MDFIC: variants seen among roughly 807,000 people sequenced by gnomAD.
MDFIC encodes the protein myoD family inhibitor domain-containing protein.
A neutral mutation model predicts 23.2 loss-of-function variants in MDFIC; 17 were observed. The observed-to-expected ratio is 0.73, with a 90% CI of 0.50 to 1.10. The LOEUF is 1.10. MDFIC is among the 50% of genes least tolerant of loss of function. MDFIC has a pLI of 0.00. For missense variants in MDFIC, 356 were observed against 316.6 expected, an observed-to-expected ratio of 1.12 and a Z score of -0.95; for synonymous variants, 120 against 115.2, an observed-to-expected ratio of 1.04 and a Z score of -0.27.
rs1792100345 is a variant in MDFIC, at chr7:114,922,440, C to CGCTGCCGCAGTTGCCGCCACT, written c.-301_-281dup. 1.6e-6 allele frequency: 2 copies of CGCTGCCGCAGTTGCCGCCACT among 1,242,900 alleles called. No homozygotes were observed. Among genetic ancestry groups the CGCTGCCGCAGTTGCCGCCACT allele is most frequent in the Non-Finnish European group, 1.0e-6 (1 of 989,054 alleles). 77.0% of individuals were successfully genotyped at this position (1,242,900 alleles called of 1,614,324 possible). A position where few individuals can be genotyped will look rare whatever the true frequency, so the allele number is the denominator to read the frequency against. ...GAGTGCGCGGAGTCAGAGCCGCCAC[C>CGCTGCCGCAGTTGCCGCCACT]GCTGCCGCAGTTGCCGCCACTGCGG... On this transcript the variant is annotated 5_prime_UTR_variant, in exon 1 of 5. Coordinates refer to ENST00000393486, the MANE Select transcript of MDFIC (RefSeq NM_001166345.3).
intron 3 of MDFIC, among the ~76,000 whole-genome samples, chr7:114,976,681 CTT>C (rs1241057295): frequency 6.6e-6 from 1 of 152,006 alleles, no homozygotes; most frequent in African/African-American, 2.4e-5. Context: ...TGCTAATAGA[CTT>C]GGTGTGAAAG....
chr7:114,990,272 T>C (rs2116018323), intron 4 of MDFIC, among the ~76,000 whole-genome samples: 1 of 152,292 alleles, frequency 6.6e-6, no homozygotes, highest in South Asian at 2.1e-4. Context: ...ATGGGCTTCT[T>C]TGAGAATCTG....
rs556337117 is a variant in MDFIC, at chr7:114,936,875, G to A, written c.95-5400G>A. Reference sequence around the variant, plus strand: ...TGAAAACCATTAATATTGTAATTGTGAACATTGATTAATTTATTCTTTCAA... The same window carrying A: ...TGAAAACCATTAATATTGTAATTGTAAACATTGATTAATTTATTCTTTCAA... On this transcript the variant is annotated intron_variant, in intron 2 of 4. Transcript: ENST00000393486. 9.6e-4 allele frequency among the ~76,000 whole-genome samples: 145 copies of A among 151,758 alleles called. 1 individual carries two copies. Among genetic ancestry groups the A allele is most frequent in the Middle Eastern group, 3.4e-3 (1 of 292 alleles).
chr7:114,927,530 C>T (rs1792217391), intron 2 of MDFIC, among the ~76,000 whole-genome samples: 2 of 151,634 alleles, frequency 1.3e-5, no homozygotes, highest in South Asian at 4.2e-4. Context: ...ATTATATGCA[C>T]TATAATACAA....
intron 2 of MDFIC, among the ~76,000 whole-genome samples, chr7:114,941,387 A>G (rs974612225): frequency 6.6e-6 from 1 of 152,060 alleles, no homozygotes; most frequent in African/African-American, 2.4e-5. Flanking sequence ...CTAATTTGCC[A>G]CTCATAGTAC....
intron 2 of MDFIC, among the ~76,000 whole-genome samples, chr7:114,934,127 T>C (rs1433126650): frequency 6.6e-6 from 1 of 152,220 alleles, no homozygotes; most frequent in Non-Finnish European, 1.5e-5. Flanking sequence ...TTGGCTTTAG[T>C]ATGAACATAT....
intron 4 of MDFIC, among the ~76,000 whole-genome samples, chr7:114,991,703 G>A (rs372508809): frequency 6.6e-6 from 1 of 152,112 alleles, no homozygotes; most frequent in Non-Finnish European, 1.5e-5. Context: ...TGTTCCATTG[G>A]TCTATATCTC....
chr7:114,927,236 G>T (rs1792209684), intron 2 of MDFIC, among the ~76,000 whole-genome samples: 3 of 152,042 alleles, frequency 2.0e-5, no homozygotes, highest in Admixed American at 2.0e-4. Context: ...CAAGCTCCAG[G>T]TGCTCCTTAA....
chr7:114,935,493 A>G (rs994077025), intron 2 of MDFIC, among the ~76,000 whole-genome samples: 2 of 151,202 alleles, frequency 1.3e-5, no homozygotes, highest in Admixed American at 6.7e-5. Flanking sequence ...GTAAGCAAAT[A>G]AAGTATGGGT....
chr7:114,976,602 CTT>C (rs1317063477), intron 3 of MDFIC, among the ~76,000 whole-genome samples: 3 of 152,068 alleles, frequency 2.0e-5, no homozygotes, highest in Non-Finnish European at 4.4e-5. Flanking sequence ...TATTATTCCT[CTT>C]TATCACTAAA....
chr7:114,953,120 C>T (rs1356879951), intron 3 of MDFIC, among the ~76,000 whole-genome samples: 2 of 152,054 alleles, frequency 1.3e-5, no homozygotes, highest in East Asian at 3.9e-4. Context: ...ACCCATATTC[C>T]TACATATTTA....
intron 4 of MDFIC, chr7:115,014,383 T>C (rs976426024): frequency 3.9e-6 from 5 of 1,288,290 alleles, no homozygotes; most frequent in African/African-American, 1.5e-5. Flanking sequence ...TGGCATTCTA[T>C]AGAGAAGCGC....
At chr7:115,000,128 C>T (rs569541842) in intron 4 of MDFIC, among the ~76,000 whole-genome samples, 138 of 152,232 alleles carry the variant, frequency 9.1e-4, no homozygotes, top group Admixed American at 1.4e-3. Flanking sequence ...ACATATAGAA[C>T]GGTGGTCCCA....
intron 3 of MDFIC, among the ~76,000 whole-genome samples, 158 bp downstream of exon 3, chr7:114,942,555 T>A (rs1792564863): frequency 6.6e-6 from 1 of 152,206 alleles, no homozygotes; most frequent in Admixed American, 6.5e-5. Flanking sequence ...GAGCTAAAGC[T>A]AGGATATACA....
intron 4 of MDFIC, among the ~76,000 whole-genome samples, chr7:114,984,678 A>C (rs1793479282): frequency 1.3e-5 from 2 of 152,212 alleles, no homozygotes; most frequent in Non-Finnish European, 2.9e-5. Context: ...AAGATTCTTG[A>C]CCTTTGAAAT....
chr7:114,958,986 G>C (rs536067656), intron 3 of MDFIC, among the ~76,000 whole-genome samples: 2 of 152,242 alleles, frequency 1.3e-5, no homozygotes, highest in Admixed American at 1.3e-4. Flanking sequence ...AATTTTGTTT[G>C]TTTGTGTTAT....
In MDFIC at chr7:114,942,438, T is replaced by C. The variant is rs772821333; in HGVS notation, c.217+41T>C. ...AAAAACTTTGAGTGATTTTGGGATATGACTATGGTAATATATTCTTCGTTA... is the reference window on the plus strand; with the variant it reads ...AAAAACTTTGAGTGATTTTGGGATACGACTATGGTAATATATTCTTCGTTA... On this transcript the variant is annotated intron_variant, in intron 3 of 4. Transcript: ENST00000393486. 14 of 1,489,734 alleles carry C rather than the reference T, an allele frequency of 9.4e-6. No homozygotes were observed. In the Admixed American group the frequency reaches 3.0e-4, roughly 32 times the overall value. 92.3% of individuals were successfully genotyped at this position (1,489,734 alleles called of 1,614,324 possible).
In MDFIC at chr7:114,979,621, CG is replaced by C. The variant is rs753923991; in HGVS notation, c.337del (p.Ala113ProfsTer29). Reference sequence around the variant, plus strand: ...TGAGCAATGGAAATGGAATTCACCACGGGGCCAAACACGGATCCGCAGATAA... The same window carrying C: ...TGAGCAATGGAAATGGAATTCACCACGGGCCAAACACGGATCCGCAGATAA... ...GLSNGNGIHHGAKHGSADNRK... is the reference protein window; with the variant it reads ...GLSNGNGIHHXAKHGSADNRK... On this transcript the variant is annotated frameshift_variant, in exon 4 of 5. Transcript: ENST00000393486. LOFTEE classifies it high-confidence loss of function. 1.2e-6 allele frequency: 2 copies of C among 1,614,020 alleles called. No individual in the cohort carries two copies.
In MDFIC at chr7:115,015,749, T is replaced by G. The variant is rs1302807732; in HGVS notation, c.555T>G (p.Ile185Met). ...GCGAATTCCTGACCCTTTGCAACATTGTCCTGGGACAAGCGTCATGTGGCA... is the reference window on the plus strand; with the variant it reads ...GCGAATTCCTGACCCTTTGCAACATGGTCCTGGGACAAGCGTCATGTGGCA... ...LFCEFLTLCN[I>M]VLGQASCGIC... Residue 185 changes from isoleucine to methionine, a missense_variant, in exon 5 of 5, where the codon ATT becomes ATG. Ile to Met is a conservative substitution (Grantham distance 10, BLOSUM62 1). Coordinates refer to ENST00000393486, the MANE Select transcript of MDFIC (RefSeq NM_001166345.3). The G allele has an allele frequency of 6.2e-7, 1 of 1,614,238 alleles. No homozygotes were observed. Among genetic ancestry groups the G allele is most frequent in the South Asian group, 1.1e-5 (1 of 91,088 alleles).
Sources: gnomAD v4.1 joint callset for allele counts (sites outside exome capture counted in the v4.1 genomes callset) on GRCh38, gnomAD v4.1.1 for gene constraint, MANE v1.5 for transcripts, NCBI Gene and HGNC (gene_info 2026-07-23, HGNC 2026-07-21) for gene names.